Variants in C4BPA observed in about 807,000 individuals in gnomAD.
C4BPA encodes C4b-binding protein alpha chain.
Under a neutral mutation model 63.7 loss-of-function variants are expected in C4BPA, and 31 were observed. The observed-to-expected ratio is 0.49, with a 90% CI of 0.37 to 0.66. The LOEUF (loss-of-function observed/expected upper bound fraction) is 0.66, where lower values mean the gene tolerates loss of function less well. Ranked by LOEUF, C4BPA falls within the 30% of genes least tolerant of loss-of-function variation. The probability of loss-of-function intolerance (pLI) is 0.00; values close to 1 mark genes in which losing one functional copy is unlikely to be tolerated. For synonymous variants in C4BPA, 259 were observed against 254.7 expected (o/e 1.02, Z -0.16); for missense variants, 572 against 723.3 (o/e 0.79, Z 2.40).
intron 4 of C4BPA, among the ~76,000 whole-genome samples, chr1:207,121,160 T>C (rs1361209346): frequency 6.6e-6 from 1 of 152,250 alleles, no homozygotes; most frequent in Non-Finnish European, 1.5e-5. Flanking sequence ...CTTGTCTTTA[T>C]ATACCTTAAG....
intron 9 of C4BPA, 93 bp from the exon 10 acceptor site, chr1:207,141,013 T>C (rs1292891718): frequency 1.0e-6 from 1 of 961,836 alleles, no homozygotes; most frequent in Non-Finnish European, 1.5e-6. Flanking sequence ...AAGGACAGAA[T>C]GAAGCCTCCT....
At chr1:207,134,271 T>C (rs1447245906) in intron 8 of C4BPA, 133 bp from the exon 9 acceptor site, 2 of 672,494 alleles carry the variant, frequency 3.0e-6, no homozygotes, top group Non-Finnish European at 5.2e-6. Flanking sequence ...TTGGAGTGTC[T>C]TGGGTCTCCC....
intron 8 of C4BPA, among the ~76,000 whole-genome samples, chr1:207,131,973 A>C (rs530433290): frequency 6.6e-6 from 1 of 152,358 alleles, no homozygotes; most frequent in East Asian, 1.9e-4. Flanking sequence ...AAGTAGACAC[A>C]GAAGTCAAAC....
At chr1:207,141,551 G>T (rs572953199) in intron 10 of C4BPA, among the ~76,000 whole-genome samples, 2 of 152,282 alleles carry the variant, frequency 1.3e-5, no homozygotes, top group South Asian at 4.1e-4. Context: ...TATTCTAAAA[G>T]TATCACATTT....
At chr1:207,121,114 A>C (rs1684913256) in intron 4 of C4BPA, among the ~76,000 whole-genome samples, 1 of 152,188 alleles carries the variant, frequency 6.6e-6, no homozygotes, top group Non-Finnish European at 1.5e-5. Flanking sequence ...AGTCAGATCT[A>C]CTTTCTTGAT....
intron 9 of C4BPA, among the ~76,000 whole-genome samples, chr1:207,140,727 T>G (rs1270137252): frequency 3.3e-5 from 5 of 152,238 alleles, no homozygotes; most frequent in Admixed American, 6.5e-5. Context: ...TTGTGGATGA[T>G]ATAACATCCT....
chr1:207,108,897 A>G (rs1684611845), intron 1 of C4BPA, among the ~76,000 whole-genome samples: 1 of 151,666 alleles, frequency 6.6e-6, no homozygotes, highest in Admixed American at 6.6e-5. Context: ...TAATTTTTGT[A>G]TTTTTAGTAG....
intron 10 of C4BPA, among the ~76,000 whole-genome samples, chr1:207,142,702 C>T (rs1685445591): frequency 6.6e-6 from 1 of 152,144 alleles, no homozygotes; most frequent in South Asian, 2.1e-4. Flanking sequence ...GGTCTGTTGG[C>T]TGCATAAATG....
chr1:207,143,758 C>A, intron 10 of C4BPA, 60 bp from the exon 11 acceptor site: 1 of 1,154,678 alleles, frequency 8.7e-7, no homozygotes. Flanking sequence ...TTATCCGAGA[C>A]TGTTATCATG....
At chr1:207,135,044 A>T (rs1685251054) in intron 9 of C4BPA, among the ~76,000 whole-genome samples, 1 of 152,122 alleles carries the variant, frequency 6.6e-6, no homozygotes, top group Admixed American at 6.6e-5. Context: ...CTTCTCCAAA[A>T]GGCTCAAGTG....
intron 4 of C4BPA, among the ~76,000 whole-genome samples, chr1:207,118,034 C>G (rs555258696): frequency 7.9e-5 from 12 of 152,026 alleles, no homozygotes; most frequent in Non-Finnish European, 1.8e-4. Context: ...AGAGTTTAAA[C>G]CTCTGGCAAA....
At chr1:207,116,578 C>T (rs1684796318) in intron 4 of C4BPA, among the ~76,000 whole-genome samples, 1 of 144,632 alleles carries the variant, frequency 6.9e-6, no homozygotes, top group African/African-American at 2.5e-5. Flanking sequence ...TTTGACTTGG[C>T]TATTGGTATT....
chr1:207,129,792 T>A (rs999642764), intron 7 of C4BPA, among the ~76,000 whole-genome samples: 3 of 152,190 alleles, frequency 2.0e-5, no homozygotes, highest in Non-Finnish European at 4.4e-5. Context: ...AATTTCATGT[T>A]TCATGTCTTT....
At chr1:207,139,074 G>T (rs748302012) in intron 9 of C4BPA, among the ~76,000 whole-genome samples, 1 of 152,142 alleles carries the variant, frequency 6.6e-6, no homozygotes, top group Admixed American at 6.5e-5. Flanking sequence ...GGGCAAGAGG[G>T]TTATCATAGC....
Position 207,114,269 on chromosome 1 carries a change from T to C in C4BPA, c.312T>C (p.Tyr104=), listed in dbSNP as rs1684733748. ...LTCNSDGEWV[Y]NTFCIYKRCR... ...GTAATTCTGATGGCGAATGGGTGTA[T>C]AACACCTTCTGTATCTGTAAGTATC... The change falls in exon 3 of 12, where the codon TAT becomes TAC. Residue 104 remains tyrosine, a synonymous_variant. Coordinates refer to ENST00000367070, the MANE Select transcript of C4BPA (RefSeq NM_000715.4). 2 of 1,610,928 alleles carry C rather than the reference T, an allele frequency of 1.2e-6. No homozygotes were observed. The highest frequency in any genetic ancestry group is 2.2e-5 in the East Asian group (1 of 44,820).
Position 207,144,868 on chromosome 1 carries a change from G to C in C4BPA, c.*151G>C. The C allele has an allele frequency of 2.2e-6, 1 of 451,590 alleles. No individual in the cohort carries two copies. Among genetic ancestry groups the C allele is most frequent in the Non-Finnish European group, 3.7e-6 (1 of 266,802 alleles). 28.0% of individuals were successfully genotyped at this position (451,590 alleles called of 1,614,324 possible). ...ATAATTTGCTAAAGTTTAGTGCTTTGAGATTGTGAAATTATTAATCATCCT... is the reference window on the plus strand; with the variant it reads ...ATAATTTGCTAAAGTTTAGTGCTTTCAGATTGTGAAATTATTAATCATCCT... On this transcript the variant is annotated 3_prime_UTR_variant, in exon 12 of 12. Transcript: ENST00000367070.
At chr1:207,131,875 T>TG in intron 8 of C4BPA, 135 bp downstream of exon 8, 1 of 638,360 alleles carries the variant, frequency 1.6e-6, no homozygotes, top group Non-Finnish European at 2.7e-6. Flanking sequence ...AGTAAACTGT[T>TG]AGTGCCAGAA....
At chr1:207,114,900 TA>T (rs1684750680) in intron 3 of C4BPA, 1 of 153,160 alleles carries the variant, frequency 6.5e-6, no homozygotes, top group African/African-American at 2.4e-5. Context: ...TAAAAAATTA[TA>T]AAAAAGGTAG....
intron 8 of C4BPA, 148 bp downstream of exon 8, chr1:207,131,888 G>T (rs1685168263): frequency 5.0e-6 from 3 of 601,554 alleles, no homozygotes; most frequent in Non-Finnish European, 8.6e-6. Context: ...TGCCAGAAGG[G>T]GACCATAAAC....
Sources: gnomAD v4.1 joint callset for allele counts (sites outside exome capture counted in the v4.1 genomes callset) on GRCh38, gnomAD v4.1.1 for gene constraint, MANE v1.5 for transcripts, NCBI Gene and HGNC (gene_info 2026-07-23, HGNC 2026-07-21) for gene names.